Variants in USP42 observed in about 807,000 individuals in gnomAD.
USP42 encodes the protein ubiquitin carboxyl-terminal hydrolase 42.
In USP42, 23 loss-of-function variants were observed where a neutral mutation model predicts 113.0. The ratio of observed to expected loss-of-function variants is 0.20; its 90% CI spans 0.15 to 0.29. The LOEUF (loss-of-function observed/expected upper bound fraction) is 0.29, where lower values mean the gene tolerates loss of function less well. Ranked by LOEUF, USP42 falls within the 10% of genes least tolerant of loss-of-function variation. The pLI, the probability that USP42 is intolerant of heterozygous loss-of-function variation, is 1.00. For synonymous variants in USP42, 933 were observed against 699.0 expected (o/e 1.33, Z -5.28); for missense variants, 2,174 against 1,779.8 (o/e 1.22, Z -3.99).
chr7:6,134,674 A>G (rs1781032963), intron 3 of USP42, among the ~76,000 whole-genome samples: 1 of 152,214 alleles, frequency 6.6e-6, no homozygotes, highest in Non-Finnish European at 1.5e-5. Flanking sequence ...AGCATGCGCT[A>G]AGAATGATTT....
intron 3 of USP42, among the ~76,000 whole-genome samples, chr7:6,127,964 C>T (rs74985072): frequency 0.024 from 3,580 of 151,830 alleles, 135 homozygotes; most frequent in African/African-American, 0.08. Flanking sequence ...GTTCTGTGAC[C>T]CAGGCTTTGT....
chr7:6,131,003 C>T (rs367767333), intron 3 of USP42, among the ~76,000 whole-genome samples: 1 of 152,072 alleles, frequency 6.6e-6, no homozygotes, highest in Admixed American at 6.5e-5. Context: ...TTGCCTGGCA[C>T]CTGGCCCTGA....
chr7:6,144,357 T>TGAG (rs1479221893), intron 9 of USP42, among the ~76,000 whole-genome samples, 161 bp downstream of exon 9: 2 of 152,192 alleles, frequency 1.3e-5, no homozygotes, highest in Non-Finnish European at 2.9e-5. Flanking sequence ...CCCGTGGTTG[T>TGAG]GAGGGGATAC....
intron 3 of USP42, among the ~76,000 whole-genome samples, chr7:6,126,904 G>T (rs1022182092): frequency 6.6e-6 from 1 of 152,202 alleles, no homozygotes; most frequent in Non-Finnish European, 1.5e-5. Context: ...CAAATGCTGG[G>T]TTATATGGTA....
intron 3 of USP42, among the ~76,000 whole-genome samples, chr7:6,134,589 A>G (rs553376234): frequency 7.2e-5 from 11 of 152,156 alleles, no homozygotes; most frequent in South Asian, 2.1e-4. Flanking sequence ...CTTTGCTGGG[A>G]GGGGCTGTCC....
upstream of USP42, among the ~76,000 whole-genome samples, chr7:6,104,546 T>C (rs1779134978): frequency 6.6e-6 from 1 of 152,220 alleles, no homozygotes; most frequent in African/African-American, 2.4e-5. Flanking sequence ...GGTGCCCCGC[T>C]TCTGGAAACG....
At chr7:6,123,904 C>G (rs1780377782) in intron 3 of USP42, among the ~76,000 whole-genome samples, 2 of 148,038 alleles carry the variant, frequency 1.4e-5, no homozygotes, top group Non-Finnish European at 3.0e-5. Flanking sequence ...GAGGTGGAGT[C>G]TCACTTTGTC....
the USP42 span, chr7:6,089,003 T>G: frequency 4.0e-5 from 6 of 150,094 alleles, no homozygotes; most frequent in East Asian, 9.7e-4. Flanking sequence ...AGCCAGAGCC[T>G]GCACTGGGGT....
intron 1 of USP42, among the ~76,000 whole-genome samples, chr7:6,108,374 C>T (rs969511413): frequency 6.6e-6 from 1 of 151,896 alleles, no homozygotes; most frequent in African/African-American, 2.4e-5. Context: ...CCTGTCTCTA[C>T]AAAAAAGAAA....
At chr7:6,143,128 T>TG (rs1781521961) in intron 8 of USP42, 114 bp downstream of exon 8, 8 of 1,028,298 alleles carry the variant, frequency 7.8e-6, no homozygotes, top group Non-Finnish European at 1.0e-5. Flanking sequence ...TGATACCCTC[T>TG]GGGAAGACAC....
the USP42 span, among the ~76,000 whole-genome samples, chr7:6,099,678 A>G: frequency 2.0e-5 from 3 of 149,394 alleles, no homozygotes; most frequent in South Asian, 4.2e-4. Context: ...ATCTGTTATT[A>G]CCATCCGGGC....
At chr7:6,149,294 C>T (rs765907541) in intron 12 of USP42, among the ~76,000 whole-genome samples, 3 of 152,174 alleles carry the variant, frequency 2.0e-5, no homozygotes, top group Non-Finnish European at 4.4e-5. Flanking sequence ...TGCCACAGGT[C>T]CTGCTGATTT....
At chr7:6,132,155 G>A (rs1477706882) in intron 3 of USP42, among the ~76,000 whole-genome samples, 1 of 151,502 alleles carries the variant, frequency 6.6e-6, no homozygotes, top group Non-Finnish European at 1.5e-5. Context: ...CGAACTCCTA[G>A]GCTCAAGCGA....
At chr7:6,110,631 G>T (rs1779550380) in intron 1 of USP42, among the ~76,000 whole-genome samples, 1 of 152,030 alleles carries the variant, frequency 6.6e-6, no homozygotes, top group Admixed American at 6.6e-5. Context: ...ATTTCACTTG[G>T]TGCCATTTGC....
Position 6,151,916 on chromosome 7 carries a change from T to G in USP42, c.2201+1410T>G, listed in dbSNP as rs374932330. 4.6e-5 allele frequency among the ~76,000 whole-genome samples: 7 copies of G among 152,326 alleles called. 1 individual carries two copies. The highest frequency in any genetic ancestry group is 1.7e-4 in the African/African-American group (7 of 41,578). On this transcript the variant is annotated intron_variant, in intron 14 of 17. Transcript: ENST00000306177. ...AGTTTTCAGCTATGTTGTGATCTTA[T>G]GGACCGCCATCATATGTGGTCTGTT... is the stretch of plus-strand genomic sequence containing the variant.
chr7:6,082,980 G>A, the USP42 span, among the ~76,000 whole-genome samples: 1 of 147,800 alleles, frequency 6.8e-6, no homozygotes, highest in Non-Finnish European at 1.5e-5. Context: ...ATTTTATTTT[G>A]AGATGGAGTC....
At chr7:6,087,965 G>A in the USP42 span, among the ~76,000 whole-genome samples, 1 of 151,050 alleles carries the variant, frequency 6.6e-6, no homozygotes, top group South Asian at 2.1e-4. Flanking sequence ...TTTAGGAGAG[G>A]GACCTGGGAC....
At chr7:6,086,920 G>T in the USP42 span, among the ~76,000 whole-genome samples, 1 of 149,078 alleles carries the variant, frequency 6.7e-6, no homozygotes, top group Admixed American at 6.7e-5. Context: ...TAGAGACGGG[G>T]TTTCACCATG....
At chr7:6,155,250 G>A in intron 15 of USP42, 55 bp downstream of exon 15, 2 of 1,465,850 alleles carry the variant, frequency 1.4e-6, no homozygotes, top group African/African-American at 1.4e-5. Context: ...CAGCAGTGGG[G>A]CCTGTCCCTT....
Sources: gnomAD v4.1 joint callset for allele counts (sites outside exome capture counted in the v4.1 genomes callset) on GRCh38, gnomAD v4.1.1 for gene constraint, MANE v1.5 for transcripts, NCBI Gene and HGNC (gene_info 2026-07-23, HGNC 2026-07-21) for gene names.